The following ABCC10 variants were observed in gnomAD, a reference collection of about 807,000 sequenced individuals.
ABCC10 encodes ATP-binding cassette sub-family C member 10.
Under a neutral mutation model 143.2 loss-of-function variants are expected in ABCC10, and 110 were observed. The ratio of observed to expected loss-of-function variants is 0.77; its 90% CI spans 0.66 to 0.90. The LOEUF (loss-of-function observed/expected upper bound fraction) is 0.90, where lower values mean the gene tolerates loss of function less well. Among genes scored for constraint, ABCC10 ranks in the 40% least tolerant of loss-of-function variants. ABCC10 has a pLI of 0.00. For synonymous variants in ABCC10, 805 were observed against 846.7 expected (o/e 0.95, Z 0.85); for missense variants, 1,700 against 1,900.5 (o/e 0.89, Z 1.96).
intron 12 of ABCC10, 129 bp downstream of exon 12, chr6:43,444,482 C>G: frequency 8.1e-7 from 1 of 1,233,518 alleles, no homozygotes; most frequent in South Asian, 1.6e-5. Flanking sequence ...AAAAGCCATA[C>G]TCCTAATTCT....
intron 8 of ABCC10, among the ~76,000 whole-genome samples, chr6:43,441,501 A>G (rs1782469633): frequency 6.6e-6 from 1 of 152,206 alleles, no homozygotes; most frequent in Admixed American, 6.5e-5. Flanking sequence ...AGTAAATGTA[A>G]CAAAGTAGTT....
At position 43,428,062 on chromosome 6, in the gene ABCC10, C is replaced by T. The variant is rs769986645; in HGVS notation, c.84C>T (p.Cys28=). ...PLWEGDTTGH[C]FTQLVLSALP... is the part of the protein sequence containing the mutation. The stretch of plus-strand genomic sequence containing the variant: ...GGGAGGGGGACACCACAGGCCACTG[C>T]TTCACCCAGCTGGTGCTCAGCGCCC... Residue 28 remains cysteine, a synonymous_variant, in exon 2 of 22, where the codon TGC becomes TGT. Transcript: ENST00000372530. 2.5e-6 allele frequency: 4 copies of T among 1,585,482 alleles called. No homozygotes were observed. The highest frequency in any genetic ancestry group is 2.3e-5 in the East Asian group (1 of 43,358).
Position 43,445,892 on chromosome 6 carries a change from C to T in ABCC10, c.3324C>T (p.Ala1108=), listed in dbSNP as rs532699194. Residue 1108 remains alanine (A), a synonymous_variant, in exon 15 of 22, where the codon GCC becomes GCT. Coordinates refer to ENST00000372530, the MANE Select transcript of ABCC10 (RefSeq NM_001198934.2). ...TGTCTCCACTGTATAGCCATCTGGC[C>T]GATACCTTGGCTGGCCTCTCTGTGC... ...LTLSPLYSHL[A]DTLAGLSVLR... is the part of the protein sequence containing the mutation. 134 of 1,613,760 alleles carry T rather than the reference C, an allele frequency of 8.3e-5. 1 individual carries two copies. The highest frequency in any genetic ancestry group is 9.7e-5 in the Non-Finnish European group (115 of 1,179,860).
intron 3 of ABCC10, among the ~76,000 whole-genome samples, chr6:43,433,924 T>C (rs1781401144): frequency 6.6e-6 from 1 of 152,250 alleles, no homozygotes; most frequent in African/African-American, 2.4e-5. Context: ...CTCTGGGTTC[T>C]GCAGTGATTG....
At chr6:43,444,765 T>A in intron 12 of ABCC10, 23 bp from the exon 13 acceptor site, 1 of 1,562,326 alleles carries the variant, frequency 6.4e-7, no homozygotes, top group Non-Finnish European at 8.6e-7. Flanking sequence ...TCTTACAGCT[T>A]TTTCCTTCCT....
intron 9 of ABCC10, 75 bp downstream of exon 9, chr6:43,442,035 G>A: frequency 7.6e-7 from 1 of 1,316,924 alleles, no homozygotes; most frequent in Non-Finnish European, 1.1e-6. Flanking sequence ...GCTGAGTTAG[G>A]AGGATAGGAA....
chr6:43,444,037 G>T, intron 11 of ABCC10, 27 bp downstream of exon 11: 1 of 1,610,648 alleles, frequency 6.2e-7, no homozygotes, highest in South Asian at 1.1e-5. Context: ...GGAGAAAAGG[G>T]CTTGCTTTTC....
rs1250778987 is a variant in ABCC10, at chr6:43,432,703, C to T, written c.723C>T (p.Leu241=). 1 of 1,613,900 alleles carries T rather than the reference C, an allele frequency of 6.2e-7. No homozygotes were observed. The highest frequency in any genetic ancestry group is 1.3e-5 in the African/African-American group (1 of 74,924). ...TGGCCCGTGGGGCCTGTGGAGAGCT[C>T]CGGCAGCCTCAGGACATTTGCCGCC... The part of the protein sequence containing the change: ...PLLARGACGE[L]RQPQDICRLP... The change falls in exon 3 of 22, where the codon CTC becomes CTT. Residue 241 remains leucine, a synonymous_variant. Coordinates refer to ENST00000372530, the MANE Select transcript of ABCC10 (RefSeq NM_001198934.2).
intron 18 of ABCC10, 31 bp from the exon 19 acceptor site, chr6:43,448,850 A>T (rs754505408): frequency 6.3e-7 from 1 of 1,583,122 alleles, no homozygotes; most frequent in African/African-American, 1.4e-5. Context: ...CTACATCTCC[A>T]ACCACTAGAC....
chr6:43,431,562 A>C (rs1025593853), intron 2 of ABCC10, among the ~76,000 whole-genome samples: 26 of 152,164 alleles, frequency 1.7e-4, no homozygotes, highest in African/African-American at 6.3e-4. Flanking sequence ...GGGTTTCACC[A>C]TGTTGGCCAG....
downstream of ABCC10, among the ~76,000 whole-genome samples, chr6:43,451,741 G>T (rs1783754041): frequency 6.6e-6 from 1 of 151,256 alleles, no homozygotes; most frequent in African/African-American, 2.4e-5. This position sits in a 1 kb window ranked among gnomAD's most constrained non-coding sequence, Gnocchi z 4.4. Flanking sequence ...GATTGTTGAA[G>T]AAATGGCTCA....
chr6:43,451,285 G>A (rs746333791), downstream of ABCC10: 1 of 1,611,342 alleles, frequency 6.2e-7, no homozygotes, highest in South Asian at 1.1e-5. This position sits in a 1 kb window ranked among gnomAD's most constrained non-coding sequence, Gnocchi z 4.4. Context: ...CTGTGGTAGG[G>A]GTGAGAGAGG....
intron 8 of ABCC10, among the ~76,000 whole-genome samples, chr6:43,440,313 T>C (rs564022240): frequency 6.6e-6 from 1 of 152,298 alleles, no homozygotes; most frequent in African/African-American, 2.4e-5. Flanking sequence ...TCTTGTGGCC[T>C]CAGGAATGGG....
rs1201141681 is a variant in ABCC10, at chr6:43,427,633, A to AC, written c.-135dup. 1.9e-3 allele frequency: 666 copies of AC among 349,962 alleles called. No homozygotes were observed. The highest frequency in any genetic ancestry group is 2.6e-3 in the Non-Finnish European group (483 of 185,810). The allele number at this position is 349,962 out of a possible 1,614,324, so 21.7% of individuals were successfully genotyped here. ...GGGCCCAGCACCCCGGCCGGGCAGT[A>AC]CTTTTTTTTTTTTTGCATACACCAG... On this transcript the variant is annotated 5_prime_UTR_variant, in exon 1 of 22. Transcript: ENST00000372530.
At chr6:43,451,284 G>C (rs781769383), downstream of ABCC10, 5 of 1,611,356 alleles carry the variant, frequency 3.1e-6, no homozygotes, top group South Asian at 5.5e-5. The surrounding 1 kb of genome is among the most constrained non-coding windows in gnomAD (Gnocchi z 4.4). Context: ...GCTGTGGTAG[G>C]GGTGAGAGAG....
chr6:43,446,251 C>T lies in ABCC10; in HGVS notation c.3375-26C>T, dbSNP rs563925117. On this transcript the variant is annotated intron_variant, in intron 15 of 21. Coordinates refer to ENST00000372530, the MANE Select transcript of ABCC10 (RefSeq NM_001198934.2). ...GTGGCTCAGGGCAACAGTGGAGTGGCTTCACATCCCTCTGGCCTTCCCTAG... is the reference window on the plus strand; with the variant it reads ...GTGGCTCAGGGCAACAGTGGAGTGGTTTCACATCCCTCTGGCCTTCCCTAG... 3 of 1,602,942 alleles carry T rather than the reference C, an allele frequency of 1.9e-6. No individual in the cohort carries two copies. In the East Asian group the frequency reaches 6.7e-5, roughly 36 times the overall value.
chr6:43,435,662 T>G, intron 4 of ABCC10, 89 bp from the exon 5 acceptor site: 2 of 1,459,210 alleles, frequency 1.4e-6, no homozygotes, highest in South Asian at 2.8e-5. Flanking sequence ...TGCCCAGTTC[T>G]TCCCTCCGTA....
chr6:43,439,321 C>T (rs1476050499), intron 8 of ABCC10, among the ~76,000 whole-genome samples: 1 of 152,166 alleles, frequency 6.6e-6, no homozygotes, highest in Non-Finnish European at 1.5e-5. Context: ...GTGGAATGTC[C>T]CTGAAAAGGA....
At position 43,438,647 on chromosome 6, in the gene ABCC10, G is replaced by C. The variant is rs770058326; in HGVS notation, c.1979G>C (p.Arg660Pro). The C allele has an allele frequency of 1.9e-6, 3 of 1,613,892 alleles. No individual in the cohort carries two copies. The highest frequency in any genetic ancestry group is 2.5e-6 in the Non-Finnish European group (3 of 1,180,032). ...AGGCTGCGTGGGCATGTGGCAGTGCGGGGGCTGTCCAAGGGCTTTGGCCTG... is the reference window on the plus strand; with the variant it reads ...AGGCTGCGTGGGCATGTGGCAGTGCCGGGGCTGTCCAAGGGCTTTGGCCTG... ...LHRLRGHVAV[R>P]GLSKGFGLAT... Residue 660 changes from arginine (R) to proline (P), a missense_variant, in exon 8 of 22, where the codon CGG (arginine) becomes CCG (proline). By Grantham distance (103) the Arg-to-Pro change is moderately radical. Coordinates refer to ENST00000372530, the MANE Select transcript of ABCC10 (RefSeq NM_001198934.2).
Sources: gnomAD v4.1 joint callset for allele counts (sites outside exome capture counted in the v4.1 genomes callset) on GRCh38, gnomAD v4.1.1 for gene constraint, Gnocchi (gnomAD v3.1) non-coding constraint, MANE v1.5 for transcripts, NCBI Gene and HGNC (gene_info 2026-07-23, HGNC 2026-07-21) for gene names.